SGMS1: variants seen among roughly 807,000 people sequenced by gnomAD.
SGMS1 encodes phosphatidylcholine:ceramide cholinephosphotransferase 1.
A neutral mutation model predicts 46.2 loss-of-function variants in SGMS1; 13 were observed. The observed-to-expected ratio is 0.28, with a 90% confidence interval of 0.18 to 0.45. SGMS1 has a LOEUF of 0.45. SGMS1 is among the 20% of genes least tolerant of loss of function. SGMS1 has a pLI of 1.00. For synonymous variants in SGMS1, 203 were observed against 187.8 expected (o/e 1.08, Z -0.66); for missense variants, 324 against 519.9 (o/e 0.62, Z 3.66).
chr10:50,623,918 G>C lies in SGMS1; in HGVS notation c.-895C>G, dbSNP rs974600483. 3.0e-6 allele frequency: 3 copies of C among 986,728 alleles called. No individual in the cohort carries two copies. The African/African-American group carries it at 5.2e-5, about 17-fold the overall frequency. 61.1% of individuals were successfully genotyped at this position (986,728 alleles called of 1,614,324 possible). ...CGCCCGCAGCCGCTGCCCCGCTGGT[G>C]CGAACGCTTTCGACTTGCCACCGCG... On this transcript the variant is annotated 5_prime_UTR_variant, in exon 1 of 11. Coordinates refer to ENST00000361781, the MANE Select transcript of SGMS1 (RefSeq NM_147156.4).
At chr10:50,602,117 C>T (rs79592821) in intron 1 of SGMS1, among the ~76,000 whole-genome samples, 12 of 152,322 alleles carry the variant, frequency 7.9e-5, no homozygotes, top group Admixed American at 2.0e-4. Context: ...TCCTGATACT[C>T]GCCTCTGATA....
chr10:50,313,603 C>A (rs1847293104), intron 8 of SGMS1, among the ~76,000 whole-genome samples: 1 of 152,122 alleles, frequency 6.6e-6, no homozygotes, highest in Non-Finnish European at 1.5e-5. Context: ...TCTGTTATAA[C>A]AATGGATAAA....
At chr10:50,513,073 T>C (rs1022198201) in intron 3 of SGMS1, among the ~76,000 whole-genome samples, 3 of 152,222 alleles carry the variant, frequency 2.0e-5, no homozygotes, top group Non-Finnish European at 4.4e-5. Flanking sequence ...ACCATTACAA[T>C]GCTATTTTCC....
At chr10:50,603,750 T>C (rs1293358232) in intron 1 of SGMS1, among the ~76,000 whole-genome samples, 1 of 152,180 alleles carries the variant, frequency 6.6e-6, no homozygotes, top group Non-Finnish European at 1.5e-5. Context: ...AACAAACCTG[T>C]GAAAAGAAAA....
Position 50,623,853 on chromosome 10 carries a change from C to T in SGMS1, c.-830G>A. On this transcript the variant is annotated 5_prime_UTR_variant, in exon 1 of 11. Transcript: ENST00000361781. Reference sequence around the variant, plus strand: ...AGGCGCGAGGGGAGAGCAGTCAGCCCAGGCCGGTCCTTCTCACTCCCGACC... The same window carrying T: ...AGGCGCGAGGGGAGAGCAGTCAGCCTAGGCCGGTCCTTCTCACTCCCGACC... The T allele has an allele frequency of 3.0e-6, 3 of 985,912 alleles. No individual in the cohort carries two copies. Among genetic ancestry groups the T allele is most frequent in the Non-Finnish European group, 3.6e-6 (3 of 830,340 alleles). 61.1% of individuals were successfully genotyped at this position (985,912 alleles called of 1,614,324 possible).
Position 50,307,417 on chromosome 10 carries a change from G to T in SGMS1, c.1063-96C>A, listed in dbSNP as rs1472456716. The T allele has an allele frequency of 3.9e-6, 4 of 1,015,152 alleles. No homozygotes were observed. The highest frequency in any genetic ancestry group is 5.8e-6 in the Non-Finnish European group (4 of 691,976). 62.9% of individuals were successfully genotyped at this position (1,015,152 alleles called of 1,614,324 possible). A position where few individuals can be genotyped will look rare whatever the true frequency, so the allele number is the denominator to read the frequency against. On this transcript the variant is annotated intron_variant, in intron 10 of 10. Coordinates refer to ENST00000361781, the MANE Select transcript of SGMS1 (RefSeq NM_147156.4). This position sits in a 1 kb window ranked among gnomAD's most constrained non-coding sequence, Gnocchi z 4.2. ...AAAATTCCCAAAGGACTCCATACCT[G>T]CCCTGCGTGTCCACCCACATATCCC...
chr10:50,399,581 A>G (rs1169953445), intron 6 of SGMS1, among the ~76,000 whole-genome samples: 1 of 152,204 alleles, frequency 6.6e-6, no homozygotes, highest in Non-Finnish European at 1.5e-5. Context: ...AGAACAATGC[A>G]CACAGGAGGA....
chr10:50,315,353 C>T (rs1170309204), intron 8 of SGMS1, among the ~76,000 whole-genome samples: 3 of 152,074 alleles, frequency 2.0e-5, no homozygotes, highest in Non-Finnish European at 4.4e-5. Context: ...CCTGGTGTGG[C>T]TTCCCTTCCT....
At chr10:50,562,038 A>G (rs1838241027) in intron 2 of SGMS1, among the ~76,000 whole-genome samples, 1 of 152,220 alleles carries the variant, frequency 6.6e-6, no homozygotes, top group South Asian at 2.1e-4. Flanking sequence ...CCAGGAGAGT[A>G]TGAAAAAATC....
intron 1 of SGMS1, among the ~76,000 whole-genome samples, chr10:50,609,773 G>T (rs1373126105): frequency 6.6e-6 from 1 of 152,032 alleles, no homozygotes; most frequent in Non-Finnish European, 1.5e-5. Flanking sequence ...TAGAATTGCT[G>T]GGTCAAAGAG....
At chr10:50,566,010 G>C (rs920284765) in intron 2 of SGMS1, among the ~76,000 whole-genome samples, 1 of 152,208 alleles carries the variant, frequency 6.6e-6, no homozygotes, top group Non-Finnish European at 1.5e-5. Flanking sequence ...TGTTCCTATG[G>C]TATGGTTTTT....
intron 1 of SGMS1, among the ~76,000 whole-genome samples, chr10:50,596,778 C>T (rs1424968035): frequency 6.6e-6 from 1 of 152,192 alleles, no homozygotes; most frequent in Admixed American, 6.5e-5. Context: ...ATGTTTCCTG[C>T]ATTCTCTCTT....
At chr10:50,344,701 C>G (rs1847886974) in intron 6 of SGMS1, among the ~76,000 whole-genome samples, 1 of 151,872 alleles carries the variant, frequency 6.6e-6, no homozygotes, top group Non-Finnish European at 1.5e-5. Flanking sequence ...AACCCTGTCT[C>G]TACTAAAAAT....
At chr10:50,548,387 A>G (rs1010961886) in intron 2 of SGMS1, among the ~76,000 whole-genome samples, 7 of 152,200 alleles carry the variant, frequency 4.6e-5, no homozygotes, top group Non-Finnish European at 1.0e-4. Flanking sequence ...AACAGAATAC[A>G]GAACTCAGAA....
intron 2 of SGMS1, among the ~76,000 whole-genome samples, chr10:50,569,490 T>G (rs1156456122): frequency 1.3e-5 from 2 of 151,968 alleles, no homozygotes; most frequent in Admixed American, 6.6e-5. Context: ...GACTCTGCAG[T>G]TTCTTCCTTC....
chr10:50,533,556 C>T (rs1837974106), intron 2 of SGMS1, among the ~76,000 whole-genome samples: 1 of 152,202 alleles, frequency 6.6e-6, no homozygotes, highest in Middle Eastern at 3.4e-3. Context: ...AAGTTTCAGA[C>T]CTTCTTTCTC....
At chr10:50,525,615 A>G (rs1463838764) in intron 2 of SGMS1, among the ~76,000 whole-genome samples, 1 of 152,214 alleles carries the variant, frequency 6.6e-6, no homozygotes, top group East Asian at 1.9e-4. Context: ...AAAAACAGAA[A>G]AGAATCAAAA....
At chr10:50,366,796 T>C (rs1007014616) in intron 6 of SGMS1, among the ~76,000 whole-genome samples, 2 of 151,692 alleles carry the variant, frequency 1.3e-5, no homozygotes, top group African/African-American at 4.8e-5. Flanking sequence ...CACCGGAGCC[T>C]GTTGGAGGGT....
chr10:50,471,834 T>G (rs1254691110), intron 3 of SGMS1, among the ~76,000 whole-genome samples: 1 of 152,196 alleles, frequency 6.6e-6, no homozygotes, highest in African/African-American at 2.4e-5. Context: ...AGAGCAGTTT[T>G]GTTTGTTTTT....
Sources: allele counts gnomAD v4.1 joint callset (sites outside exome capture counted in the v4.1 genomes callset), GRCh38; gene constraint gnomAD v4.1.1; non-coding constraint Gnocchi (gnomAD v3.1); transcripts MANE v1.5; gene names NCBI Gene and HGNC (gene_info 2026-07-23, HGNC 2026-07-21).